The following COG6 variants were observed in gnomAD, a reference collection of about 807,000 sequenced individuals.
The protein encoded by COG6 is component of oligomeric golgi complex 6.
Under a neutral mutation model 88.8 loss-of-function variants are expected in COG6, and 74 were observed. The ratio of observed to expected loss-of-function variants is 0.83; its 90% confidence interval spans 0.69 to 1.01. COG6 has a LOEUF of 1.01. Ranked by LOEUF, COG6 falls within the 50% of genes least tolerant of loss-of-function variation. The probability of loss-of-function intolerance (pLI) is 0.00; values close to 1 mark genes in which losing one functional copy is unlikely to be tolerated. For synonymous variants in COG6, 286 were observed against 278.7 expected, an observed-to-expected ratio of 1.03 and a Z score of -0.26; for missense variants, 800 against 797.9, an observed-to-expected ratio of 1.00 and a Z score of -0.03.
chr13:39,740,984 G>A lies in COG6; in HGVS notation c.1827-9962G>A, dbSNP rs145001357. On this transcript the variant is annotated intron_variant, in intron 18 of 18. Transcript: ENST00000455146. ...AAATAGTCTATTTCTGGAAATGCTG[G>A]GTTTATGGTAATGATGAAAGTTGTA... is the stretch of plus-strand genomic sequence containing the variant. Among the ~76,000 whole-genome samples the A allele has an allele frequency of 7.7e-3, 1,173 of 152,100 alleles. 25 individuals carry two copies. Among genetic ancestry groups the A allele is most frequent in the African/African-American group, 0.027 (1,105 of 41,480 alleles).
At chr13:39,757,661 T>C (rs1257287841) in intron 18 of COG6, among the ~76,000 whole-genome samples, 1 of 151,442 alleles carries the variant, frequency 6.6e-6, no homozygotes, top group Non-Finnish European at 1.5e-5. Flanking sequence ...TTAATAATTA[T>C]ATGCAAACCA....
intron 18 of COG6, among the ~76,000 whole-genome samples, chr13:39,739,602 A>G (rs1241702373): frequency 6.6e-6 from 1 of 152,150 alleles, no homozygotes; most frequent in East Asian, 1.9e-4. Context: ...CATACAAAGA[A>G]AAATCTTACT....
At chr13:39,783,446 TTTTG>T (rs1201404697) in intron 18 of COG6, among the ~76,000 whole-genome samples, 1 of 152,224 alleles carries the variant, frequency 6.6e-6, no homozygotes, top group African/African-American at 2.4e-5. Flanking sequence ...TTTTGTTTTG[TTTTG>T]TTTTTTTCAT....
intron 13 of COG6, among the ~76,000 whole-genome samples, chr13:39,708,857 T>C (rs1878085160): frequency 6.6e-6 from 1 of 152,176 alleles, no homozygotes; most frequent in South Asian, 2.1e-4. Context: ...TGATATTTAA[T>C]AATTGGTTGT....
At position 39,751,380 on chromosome 13, in the gene COG6, A is replaced by G; in HGVS notation, c.*287A>G. 1 of 1,378,678 alleles carries G rather than the reference A, an allele frequency of 7.3e-7. No homozygotes were observed. Among genetic ancestry groups the G allele is most frequent in the Non-Finnish European group, 9.5e-7 (1 of 1,051,492 alleles). 85.4% of individuals were successfully genotyped at this position (1,378,678 alleles called of 1,614,324 possible). On this transcript the variant is annotated 3_prime_UTR_variant, in exon 19 of 19. Coordinates refer to ENST00000455146, the MANE Select transcript of COG6 (RefSeq NM_020751.3). ...TCACTGTATTCAGGAAGCATAAAGTAGTATGAAAGGTTTGAAGAATTTTTT... is the reference window on the plus strand; with the variant it reads ...TCACTGTATTCAGGAAGCATAAAGTGGTATGAAAGGTTTGAAGAATTTTTT...
intron 5 of COG6, chr13:39,677,945 T>A: frequency 5.8e-6 from 2 of 343,388 alleles, no homozygotes; most frequent in South Asian, 4.7e-5. Flanking sequence ...GATTCTCTAT[T>A]GTGAAATGTG....
chr13:39,752,466 AT>A lies in COG6; in HGVS notation c.*1374del. 1 of 1,096,312 alleles carries A rather than the reference AT, an allele frequency of 9.1e-7. No homozygotes were observed. The allele number at this position is 1,096,312 out of a possible 1,614,324, so 67.9% of individuals were successfully genotyped here. A position where few individuals can be genotyped will look rare whatever the true frequency, so the allele number is the denominator to read the frequency against. The stretch of plus-strand genomic sequence containing the variant: ...TCCCTTTGATTAGTATGTGTTACAT[AT>A]AAAGACAGAAAATAAAGTATAAATC... On this transcript the variant is annotated 3_prime_UTR_variant, in exon 19 of 19. Transcript: ENST00000455146.
chr13:39,697,187 G>A (rs1463533005), intron 12 of COG6, among the ~76,000 whole-genome samples: 1 of 151,504 alleles, frequency 6.6e-6, no homozygotes, highest in African/African-American at 2.4e-5. Context: ...GAGAAATCAG[G>A]GCTGAAGCTA....
intron 11 of COG6, among the ~76,000 whole-genome samples, chr13:39,690,458 T>G (rs1876921941): frequency 6.6e-6 from 1 of 151,818 alleles, no homozygotes; most frequent in Admixed American, 6.6e-5. Flanking sequence ...AGTACATAGT[T>G]TATGACACTA....
At chr13:39,663,326 T>G (rs1356770931) in intron 3 of COG6, among the ~76,000 whole-genome samples, 1 of 152,100 alleles carries the variant, frequency 6.6e-6, no homozygotes, top group Non-Finnish European at 1.5e-5. Flanking sequence ...TGGTGTTGAT[T>G]GTAAGGTGCA....
At position 39,719,817 on chromosome 13, in the gene COG6, T is replaced by G. The variant is rs1878753911; in HGVS notation, c.1574T>G (p.Leu525Arg). 6.2e-7 allele frequency: 1 copy of G among 1,610,274 alleles called. No homozygotes were observed. The change falls in exon 15 of 19, where the codon CTA becomes CGA. Residue 525 changes from leucine to arginine, a missense_variant. By Grantham distance (102) the Leu-to-Arg change is moderately radical. Coordinates refer to ENST00000455146, the MANE Select transcript of COG6 (RefSeq NM_020751.3). ...TTCACTGACAGACGTCTGGAAATGCTACAGTTTCAGGTAAATTTTTCTATA... is the reference window on the plus strand; with the variant it reads ...TTCACTGACAGACGTCTGGAAATGCGACAGTTTCAGGTAAATTTTTCTATA... ...FEFTDRRLEM[L>R]QFQIEAHLDT...
chr13:39,715,513 T>C (rs1269845831), intron 13 of COG6, among the ~76,000 whole-genome samples: 1 of 152,132 alleles, frequency 6.6e-6, no homozygotes, highest in Non-Finnish European at 1.5e-5. Context: ...TCTATTTCTA[T>C]ATTATAGCTA....
intron 15 of COG6, among the ~76,000 whole-genome samples, chr13:39,720,984 A>G (rs1467470674): frequency 1.3e-5 from 2 of 152,090 alleles, no homozygotes; most frequent in African/African-American, 4.8e-5. Flanking sequence ...TATTATTACT[A>G]TGTAAACATT....
Sources: gnomAD v4.1 joint callset for allele counts (sites outside exome capture counted in the v4.1 genomes callset) on GRCh38, gnomAD v4.1.1 for gene constraint, MANE v1.5 for transcripts, NCBI Gene and HGNC (gene_info 2026-07-23, HGNC 2026-07-21) for gene names.